RRM2B: variants seen among roughly 807,000 people sequenced by gnomAD.
The protein encoded by RRM2B is ribonucleotide reductase regulatory TP53 inducible subunit M2B.
Under a neutral mutation model 45.9 loss-of-function variants are expected in RRM2B, and 20 were observed. The ratio of observed to expected loss-of-function variants is 0.44; its 90% CI spans 0.31 to 0.63. RRM2B has a LOEUF of 0.63. RRM2B is among the 30% of genes least tolerant of loss of function. RRM2B has a pLI of 0.09. For synonymous variants in RRM2B, 124 were observed against 132.3 expected, an observed-to-expected ratio of 0.94 and a Z score of 0.43; for missense variants, 320 against 414.7, an observed-to-expected ratio of 0.77 and a Z score of 1.98.
chr8:102,230,539 CAGTT>C lies in RRM2B; in HGVS notation c.204+1606_204+1609del, dbSNP rs1390488638. Among the ~76,000 whole-genome samples the C allele has an allele frequency of 4.6e-5, 7 of 152,310 alleles. No homozygotes were observed. The South Asian group carries it at 1.0e-3, about 23-fold the overall frequency. On this transcript the variant is annotated intron_variant, in intron 2 of 8. Transcript: ENST00000251810. ...AAAAAACCTTTCTAAAAACCACAGA[CAGTT>C]AGGGACAGTCAGGTGTGTCAAGCAT...
Position 102,238,907 on chromosome 8 carries a change from G to C in RRM2B, c.-33C>G. 2 of 1,605,972 alleles carry C rather than the reference G, an allele frequency of 1.2e-6. No individual in the cohort carries two copies. Among genetic ancestry groups the C allele is most frequent in the Non-Finnish European group, 1.7e-6 (2 of 1,179,334 alleles). ...ACTCCGCCGAAGCTACGGGCGCTGA[G>C]GGAACTGAGCTCCTCAGGCCACCTC... On this transcript the variant is annotated 5_prime_UTR_variant, in exon 1 of 9. Coordinates refer to ENST00000251810, the MANE Select transcript of RRM2B (RefSeq NM_015713.5).
intron 4 of RRM2B, among the ~76,000 whole-genome samples, chr8:102,224,453 C>T (rs944505793): frequency 2.6e-5 from 4 of 151,028 alleles, no homozygotes; most frequent in African/African-American, 7.3e-5. Context: ...GGATTACAGC[C>T]ATGAGCCACC....
At chr8:102,226,170 C>A (rs1810928339) in intron 2 of RRM2B, 136 bp from the exon 3 acceptor site, 13 of 624,460 alleles carry the variant, frequency 2.1e-5, no homozygotes, top group Admixed American at 5.5e-5. Context: ...GTTAGCACTG[C>A]AAAGAAATAA....
At position 102,218,897 on chromosome 8, in the gene RRM2B, A is replaced by G; in HGVS notation, c.601T>C (p.Ser201Pro). The G allele has an allele frequency of 6.2e-7, 1 of 1,613,210 alleles. No individual in the cohort carries two copies. The highest frequency in any genetic ancestry group is 8.5e-7 in the Non-Finnish European group (1 of 1,179,558). The change falls in exon 6 of 9, where the codon TCT becomes CCT. Residue 201 changes from serine to proline, a missense_variant. Ser to Pro is a moderately conservative substitution (Grantham distance 74, BLOSUM62 -1). Transcript: ENST00000251810. ...TTTAGCCAGAATATAGCAGCAAAAG[A>G]TCCTGAGAAGAAAACTCCTTCTACA... ...AAVEGVFFSG[S>P]FAAIFWLKKR... is the part of the protein sequence containing the mutation.
intron 2 of RRM2B, 144 bp from the exon 3 acceptor site, chr8:102,226,178 T>C (rs1810928490): frequency 1.9e-6 from 1 of 539,624 alleles, no homozygotes; most frequent in Non-Finnish European, 3.3e-6. Flanking sequence ...TGCAAAGAAA[T>C]AAAAAAAAAA....
chr8:102,214,055 T>C lies in RRM2B; in HGVS notation c.788A>G (p.Gln263Arg), dbSNP rs777143145. 5 of 1,604,178 alleles carry C rather than the reference T, an allele frequency of 3.1e-6. No homozygotes were observed. Among genetic ancestry groups the C allele is most frequent in the Non-Finnish European group, 4.3e-6 (5 of 1,171,272 alleles). The change falls in exon 7 of 9, where the codon CAG (glutamine) becomes CGG (arginine). Residue 263 changes from glutamine to arginine, a missense_variant and splice_region_variant. By Grantham distance (43) the Gln-to-Arg change is conservative. Around this residue, in one of 3 missense-constraint regions of RRM2B, gnomAD observed 225 missense variants for 289.4 expected, o/e 0.78. Coordinates refer to ENST00000251810, the MANE Select transcript of RRM2B (RefSeq NM_015713.5). Reference sequence around the variant, plus strand: ...AATTACACAAACTTCCCGGTTTACCTGCTCAATTTTGACAGCATCAACAAT... The same window carrying C: ...AATTACACAAACTTCCCGGTTTACCCGCTCAATTTTGACAGCATCAACAAT... ...EIIVDAVKIEQEFLTEALPVG... is the reference protein window; with the variant it reads ...EIIVDAVKIEREFLTEALPVG...
At chr8:102,235,659 T>C (rs929357676) in intron 1 of RRM2B, among the ~76,000 whole-genome samples, 3 of 152,094 alleles carry the variant, frequency 2.0e-5, no homozygotes. Flanking sequence ...GCCAACATGG[T>C]GAAACCCCGT....
At chr8:102,225,134 G>T in intron 3 of RRM2B, 116 bp from the exon 4 acceptor site, 2 of 961,602 alleles carry the variant, frequency 2.1e-6, no homozygotes, top group South Asian at 1.4e-5. Flanking sequence ...GTAACAAACA[G>T]GTCAGAAAGA....
chr8:102,220,860 A>G (rs1446255755), intron 5 of RRM2B, among the ~76,000 whole-genome samples: 1 of 152,226 alleles, frequency 6.6e-6, no homozygotes, highest in Non-Finnish European at 1.5e-5. Context: ...TACATTTTAC[A>G]ATTTTTTGAG....
chr8:102,224,557 T>C (rs1234666452), intron 4 of RRM2B, among the ~76,000 whole-genome samples: 1 of 152,220 alleles, frequency 6.6e-6, no homozygotes, highest in Non-Finnish European at 1.5e-5. Flanking sequence ...CTGTAGTTTT[T>C]ATACATTTTT....
intron 8 of RRM2B, among the ~76,000 whole-genome samples, chr8:102,208,934 GA>G (rs528739609): frequency 3.7e-4 from 57 of 152,346 alleles, no homozygotes; most frequent in African/African-American, 1.3e-3. Flanking sequence ...GGGATCACCT[GA>G]AGTCAGGAGT....
At position 102,232,285 on chromosome 8, in the gene RRM2B, T is replaced by G. The variant is rs1466797510; in HGVS notation, c.68A>C (p.Asn23Thr). The G allele has an allele frequency of 1.9e-6, 3 of 1,614,166 alleles. No homozygotes were observed. Residue 23 changes from asparagine to threonine, a missense_variant, in exon 2 of 9, where the codon AAC becomes ACC. This residue lies in a region of RRM2B where 48 missense variants were observed against 35.3 expected (regional missense o/e 1.36). Coordinates refer to ENST00000251810, the MANE Select transcript of RRM2B (RefSeq NM_015713.5). ...TTCATTTGACTTTATTTCACTTTCG[T>G]TGGTGTCTGAAGATGATCTCTTTGA... Reference protein sequence around the residue: ...DQDERSSSDTNESEIKSNEEP... With the variant: ...DQDERSSSDTTESEIKSNEEP...
rs769274962 is a variant in RRM2B, at chr8:102,232,218, A to C, written c.135T>G (p.Phe45Leu). 3 of 1,614,016 alleles carry C rather than the reference A, an allele frequency of 1.9e-6. No individual in the cohort carries two copies. In the African/African-American group the frequency reaches 4.0e-5, roughly 22 times the overall value. The change falls in exon 2 of 9, where the codon TTT becomes TTG. Residue 45 changes from phenylalanine (F) to leucine (L), a missense_variant. Phe to Leu is a conservative substitution (Grantham distance 22). Around this residue, in one of 3 missense-constraint regions of RRM2B, gnomAD observed 225 missense variants for 289.4 expected, o/e 0.78. Transcript: ENST00000251810. ...LRKSSRRFVI[F>L]PIQYPDIWKM... ...TCCAAATATCAGGGTACTGGATTGGAAAGATGACAAACCGGCGAGAACTCT... is the reference window on the plus strand; with the variant it reads ...TCCAAATATCAGGGTACTGGATTGGCAAGATGACAAACCGGCGAGAACTCT...
At chr8:102,211,574 C>T (rs1295515110) in intron 8 of RRM2B, among the ~76,000 whole-genome samples, 6 of 152,056 alleles carry the variant, frequency 3.9e-5, no homozygotes, top group Admixed American at 1.3e-4. Flanking sequence ...AGAACATGAA[C>T]GTGTGGATGT....
chr8:102,237,094 C>T (rs929140298), intron 1 of RRM2B, among the ~76,000 whole-genome samples: 1 of 152,214 alleles, frequency 6.6e-6, no homozygotes, highest in East Asian at 1.9e-4. Context: ...ATGGGATACC[C>T]GCCCAGGTGC....
intron 6 of RRM2B, among the ~76,000 whole-genome samples, chr8:102,216,132 T>C (rs1810727056): frequency 6.6e-6 from 1 of 152,042 alleles, no homozygotes. Context: ...ATGAAACCGA[T>C]TTTAGTCTAA....
chr8:102,209,611 T>A (rs1038090226), intron 8 of RRM2B, among the ~76,000 whole-genome samples: 9 of 152,178 alleles, frequency 5.9e-5, no homozygotes, highest in Non-Finnish European at 8.8e-5. Flanking sequence ...TACCATATGA[T>A]CCAGCAATTT....
At chr8:102,215,287 G>A (rs1021158744) in intron 6 of RRM2B, among the ~76,000 whole-genome samples, 2 of 151,722 alleles carry the variant, frequency 1.3e-5, no homozygotes, top group South Asian at 4.2e-4. Context: ...GTGCACACCT[G>A]TAGTCCCAGC....
At chr8:102,215,107 C>A (rs541113933) in intron 6 of RRM2B, among the ~76,000 whole-genome samples, 1 of 141,248 alleles carries the variant, frequency 7.1e-6, no homozygotes, top group African/African-American at 2.6e-5. Flanking sequence ...AGAGAGAGGT[C>A]GGATATAGAA....
Sources: allele counts gnomAD v4.1 joint callset (sites outside exome capture counted in the v4.1 genomes callset), GRCh38; gene constraint gnomAD v4.1.1; regional missense constraint gnomAD v4.1.1; transcripts MANE v1.5; gene names NCBI Gene and HGNC (gene_info 2026-07-23, HGNC 2026-07-21).